MALRD1: variants seen among roughly 807,000 people sequenced by gnomAD.
MALRD1 encodes the protein MAM and LDL-receptor class A domain-containing protein 1.
Under a neutral mutation model 242.1 loss-of-function variants are expected in MALRD1, and 247 were observed. The observed-to-expected ratio is 1.02, with a 90% confidence interval of 0.92 to 1.13. MALRD1 has a LOEUF of 1.13. MALRD1 is among the 50% of genes most tolerant of loss of function. MALRD1 has a pLI of 0.00. For synonymous variants in MALRD1, 995 were observed against 866.6 expected, an observed-to-expected ratio of 1.15 and a Z score of -2.60; for missense variants, 2,989 against 2,533.1, an observed-to-expected ratio of 1.18 and a Z score of -3.86.
intron 28 of MALRD1, among the ~76,000 whole-genome samples, chr10:19,421,961 T>G (rs866014603): frequency 3.3e-5 from 5 of 152,166 alleles, no homozygotes; most frequent in Middle Eastern, 3.2e-3. Context: ...CAAATTGCCT[T>G]TGATGATGCA....
At position 19,683,058 on chromosome 10, in the gene MALRD1, C is replaced by A. The variant is rs549336302; in HGVS notation, c.6138-9224C>A. ...CCTGTAATCTCAGCACTTTGGGAGGCCGAGGCAGGCAGATCACTTGAGGCC... is the reference window on the plus strand; with the variant it reads ...CCTGTAATCTCAGCACTTTGGGAGGACGAGGCAGGCAGATCACTTGAGGCC... On this transcript the variant is annotated intron_variant, in intron 36 of 39. Transcript: ENST00000454679. Among the ~76,000 whole-genome samples, 3 of 152,066 alleles carry A rather than the reference C, an allele frequency of 2.0e-5. No homozygotes were observed. The East Asian group carries it at 5.8e-4, about 29-fold the overall frequency.
Position 19,706,654 on chromosome 10 carries a change from T to C in MALRD1, c.6314+14100T>C, listed in dbSNP as rs542057997. On this transcript the variant is annotated intron_variant, in intron 38 of 39. Transcript: ENST00000454679. Reference sequence around the variant, plus strand: ...GGTATGAGCCACCACCTGTAATTTATGTTTAAAAAGGAAAAAAAGGGCCGA... The same window carrying C: ...GGTATGAGCCACCACCTGTAATTTACGTTTAAAAAGGAAAAAAAGGGCCGA... 4.2e-3 allele frequency among the ~76,000 whole-genome samples: 638 copies of C among 152,214 alleles called. 6 individuals are homozygous for C. The highest frequency in any genetic ancestry group is 0.015 in the African/African-American group (606 of 41,558).
chr10:19,232,747 A>C (rs926787121), intron 18 of MALRD1, among the ~76,000 whole-genome samples: 59 of 152,308 alleles, frequency 3.9e-4, no homozygotes, highest in Admixed American at 3.9e-3. Context: ...AAAAGTATAC[A>C]TACAAGCATG....
rs546175856 is a variant in MALRD1 at position 19,709,628 on chromosome 10, A to G, written c.6314+17074A>G. 4.9e-4 allele frequency among the ~76,000 whole-genome samples: 74 copies of G among 152,272 alleles called. 1 individual carries two copies. In the South Asian group the frequency reaches 0.015, roughly 31 times the overall value. On this transcript the variant is annotated intron_variant, in intron 38 of 39. Coordinates refer to ENST00000454679, the MANE Select transcript of MALRD1 (RefSeq NM_001142308.3). Reference sequence around the variant, plus strand: ...AGCTTAGTTCTTTTGGGTCCTAAGTATTCCCTAGTTGCAGTGTAACTTGGC... The same window carrying G: ...AGCTTAGTTCTTTTGGGTCCTAAGTGTTCCCTAGTTGCAGTGTAACTTGGC...
intron 18 of MALRD1, among the ~76,000 whole-genome samples, chr10:19,254,002 G>A (rs1189324071): frequency 6.6e-6 from 1 of 151,894 alleles, no homozygotes; most frequent in African/African-American, 2.4e-5. Flanking sequence ...TCTCTCTCCT[G>A]TCACCATGTG....
chr10:19,317,030 G>A (rs1238917436), intron 21 of MALRD1, among the ~76,000 whole-genome samples: 1 of 150,872 alleles, frequency 6.6e-6, no homozygotes, highest in Admixed American at 6.7e-5. Flanking sequence ...TGCCCGTAAA[G>A]ATACACACAC....
chr10:19,113,497 T>G (rs1359791942), intron 5 of MALRD1, among the ~76,000 whole-genome samples: 2 of 151,464 alleles, frequency 1.3e-5, no homozygotes, highest in African/African-American at 4.9e-5. Flanking sequence ...CCCCACCTTC[T>G]CTTCCCTCTT....
chr10:19,374,104 A>G lies in MALRD1; in HGVS notation c.4442-13424A>G, dbSNP rs564232384. On this transcript the variant is annotated intron_variant, in intron 26 of 39. Coordinates refer to ENST00000454679, the MANE Select transcript of MALRD1 (RefSeq NM_001142308.3). ...AAAGAAAGTTCATTTAAATATGTGCATACATTAGCTACTTTTTTAACGTTT... is the reference window on the plus strand; with the variant it reads ...AAAGAAAGTTCATTTAAATATGTGCGTACATTAGCTACTTTTTTAACGTTT... Among the ~76,000 whole-genome samples, 3 of 152,352 alleles carry G rather than the reference A, an allele frequency of 2.0e-5. No individual in the cohort carries two copies. In the South Asian group the frequency reaches 6.2e-4, roughly 32 times the overall value.
chr10:19,683,799 C>T (rs1807136), intron 36 of MALRD1, among the ~76,000 whole-genome samples: 2 of 151,984 alleles, frequency 1.3e-5, no homozygotes, highest in African/African-American at 2.4e-5. Context: ...CTGGGATACA[C>T]GTGCAGAACG....
intron 36 of MALRD1, among the ~76,000 whole-genome samples, chr10:19,630,979 T>C (rs1006138504): frequency 6.6e-6 from 1 of 152,166 alleles, no homozygotes; most frequent in African/African-American, 2.4e-5. Context: ...AAAAGACCTG[T>C]CTTGACTGCC....
intron 35 of MALRD1, among the ~76,000 whole-genome samples, chr10:19,610,125 G>C (rs1034551573): frequency 2.0e-5 from 3 of 151,708 alleles, no homozygotes; most frequent in Non-Finnish European, 2.9e-5. Flanking sequence ...GTATTTATGA[G>C]GTACAATTTG....
intron 18 of MALRD1, among the ~76,000 whole-genome samples, chr10:19,228,519 A>G (rs1034169734): frequency 3.9e-5 from 6 of 152,230 alleles, no homozygotes; most frequent in African/African-American, 1.2e-4. Context: ...CACATTTAAA[A>G]GGGTGAATTT....
chr10:19,293,793 T>A (rs905233401), intron 21 of MALRD1, among the ~76,000 whole-genome samples: 1 of 152,002 alleles, frequency 6.6e-6, no homozygotes, highest in Non-Finnish European at 1.5e-5. Context: ...CCAGAAAAAA[T>A]AACTTGGGTA....
intron 24 of MALRD1, among the ~76,000 whole-genome samples, chr10:19,334,131 T>TG (rs1564571088): frequency 2.7e-5 from 4 of 147,732 alleles, no homozygotes; most frequent in African/African-American, 1.0e-4. Flanking sequence ...TTTTTTTTTT[T>TG]TTTTTTTTTT....
At chr10:19,469,906 C>T (rs1836410873) in intron 29 of MALRD1, among the ~76,000 whole-genome samples, 1 of 151,924 alleles carries the variant, frequency 6.6e-6, no homozygotes, top group Non-Finnish European at 1.5e-5. Context: ...AGACATATAC[C>T]ACACATCCCA....
At chr10:19,506,414 A>G (rs1299370852) in intron 31 of MALRD1, among the ~76,000 whole-genome samples, 1 of 152,144 alleles carries the variant, frequency 6.6e-6, no homozygotes, top group Non-Finnish European at 1.5e-5. Context: ...ATCCAGCTAT[A>G]TGAGCCCAAT....
In MALRD1 at chr10:19,730,604, A is replaced by G. The variant is rs141566263; in HGVS notation, c.6315-102A>G. The G allele has an allele frequency of 2.7e-6, 3 of 1,129,958 alleles. No homozygotes were observed. In the African/African-American group the frequency reaches 4.6e-5, roughly 17 times the overall value. The allele number at this position is 1,129,958 out of a possible 1,614,324, so 70.0% of individuals were successfully genotyped here. ...ATTCATGAAAATAAGTGTGCTGGCT[A>G]GACAACATGTCTCTCAAAAGTTTCT... On this transcript the variant is annotated intron_variant, in intron 38 of 39. Transcript: ENST00000454679.
rs77993105 is a variant in MALRD1 at position 19,052,923 on chromosome 10, C to T, written c.199+3786C>T. Among the ~76,000 whole-genome samples, 777 of 152,202 alleles carry T rather than the reference C, an allele frequency of 5.1e-3. 15 individuals carry two copies. Among genetic ancestry groups the T allele is most frequent in the African/African-American group, 0.018 (737 of 41,536 alleles). ...TCTTCCCTCCTCAAGTTCCTTTTTGCACTATCACCACCCAACACCTTCTAT... is the reference window on the plus strand; with the variant it reads ...TCTTCCCTCCTCAAGTTCCTTTTTGTACTATCACCACCCAACACCTTCTAT... On this transcript the variant is annotated intron_variant, in intron 1 of 39. Coordinates refer to ENST00000454679, the MANE Select transcript of MALRD1 (RefSeq NM_001142308.3).
chr10:19,237,176 T>C (rs997521019), intron 18 of MALRD1, among the ~76,000 whole-genome samples: 1 of 151,884 alleles, frequency 6.6e-6, no homozygotes, highest in South Asian at 2.1e-4. Flanking sequence ...CTTTGTAATA[T>C]ACAATACTTT....
Sources: allele counts gnomAD v4.1 joint callset (sites outside exome capture counted in the v4.1 genomes callset), GRCh38; gene constraint gnomAD v4.1.1; transcripts MANE v1.5; gene names NCBI Gene and HGNC (gene_info 2026-07-23, HGNC 2026-07-21).